PPDPFL: variants seen among roughly 807,000 people sequenced by gnomAD.
PPDPFL encodes the protein pancreatic progenitor cell differentiation and proliferation factor like.
A neutral mutation model predicts 12.6 loss-of-function variants in PPDPFL; 12 were observed. That is an observed-to-expected ratio of 0.95 (90% confidence interval 0.61 to 1.54). The LOEUF is 1.54. Among genes scored for constraint, PPDPFL ranks in the 40% most tolerant of loss-of-function variants. The probability of loss-of-function intolerance (pLI) is 0.00; values close to 1 mark genes in which losing one functional copy is unlikely to be tolerated. For missense variants in PPDPFL, 114 were observed against 96.0 expected (o/e 1.19, Z -0.78); for synonymous variants, 24 against 32.7 (o/e 0.73, Z 0.91).
chr8:49,071,705 C>T (rs1808393484), upstream of PPDPFL, among the ~76,000 whole-genome samples: 1 of 152,096 alleles, frequency 6.6e-6, no homozygotes, highest in Non-Finnish European at 1.5e-5. Flanking sequence ...AAATTTGTTA[C>T]TAAAATCAGA....
rs776754439 is a variant in PPDPFL at position 49,075,128 on chromosome 8, C to A, written c.234-24C>A. The A allele has an allele frequency of 1.9e-6, 3 of 1,611,992 alleles. No individual in the cohort carries two copies. The South Asian group carries it at 3.3e-5, about 18-fold the overall frequency. ...GTTTCATTTATTTATCCCCTCCTCTCTGACTACTATAAAATCAACCCAGAT... is the reference window on the plus strand; with the variant it reads ...GTTTCATTTATTTATCCCCTCCTCTATGACTACTATAAAATCAACCCAGAT... On this transcript the variant is annotated intron_variant, in intron 4 of 4. Transcript: ENST00000522267.
intron 1 of PPDPFL, among the ~76,000 whole-genome samples, chr8:49,060,908 G>T (rs1015963083): frequency 1.3e-5 from 2 of 152,056 alleles, no homozygotes; most frequent in Non-Finnish European, 2.9e-5. Context: ...TGATGTAATT[G>T]ATGAAGAAAG....
upstream of PPDPFL, among the ~76,000 whole-genome samples, chr8:49,071,560 G>A (rs1808390025): frequency 6.6e-6 from 1 of 152,130 alleles, no homozygotes; most frequent in Admixed American, 6.5e-5. Context: ...GGAGGCTGAG[G>A]CAGGAGAATG....
chr8:49,055,584 T>C (rs919339204), intron 1 of PPDPFL, among the ~76,000 whole-genome samples: 5 of 152,212 alleles, frequency 3.3e-5, no homozygotes, highest in African/African-American at 1.2e-4. Context: ...AGGACTTATA[T>C]CTATGAATAA....
At chr8:49,055,358 C>T (rs550333455) in intron 1 of PPDPFL, among the ~76,000 whole-genome samples, 11 of 152,152 alleles carry the variant, frequency 7.2e-5, no homozygotes, top group African/African-American at 2.6e-4. Context: ...CATTTTGCAC[C>T]TTGGACACCA....
chr8:49,070,038 G>C (rs1055700540), upstream of PPDPFL, among the ~76,000 whole-genome samples: 1 of 152,188 alleles, frequency 6.6e-6, no homozygotes, highest in Non-Finnish European at 1.5e-5. Flanking sequence ...GTGATACATA[G>C]ACACCATGGA....
chr8:49,065,817 G>A (rs1797818413), intron 1 of PPDPFL, among the ~76,000 whole-genome samples: 1 of 152,210 alleles, frequency 6.6e-6, no homozygotes, highest in African/African-American at 2.4e-5. Flanking sequence ...CCCGGCATCT[G>A]AAGACCTATT....
chr8:49,070,950 A>G (rs1017079239), upstream of PPDPFL, among the ~76,000 whole-genome samples: 22 of 152,160 alleles, frequency 1.4e-4, no homozygotes, highest in African/African-American at 3.9e-4. Flanking sequence ...AGTATTAGCT[A>G]CAATCCTGCT....
chr8:49,064,316 A>G (rs1207943565), intron 1 of PPDPFL, among the ~76,000 whole-genome samples: 1 of 152,186 alleles, frequency 6.6e-6, no homozygotes, highest in Non-Finnish European at 1.5e-5. Context: ...CATTTGTCTC[A>G]GAAGAGGTGC....
chr8:49,072,823 G>A lies in PPDPFL; in HGVS notation c.-8G>A. ...CAGCTTCTTGGGTGCTTTCTCACGG[G>A]TAAAGCCATGGCATCCGTACCTTCC... On this transcript the variant is annotated 5_prime_UTR_variant, in exon 2 of 5. Coordinates refer to ENST00000522267, the MANE Select transcript of PPDPFL (RefSeq NM_001256597.2). 2 of 1,598,738 alleles carry A rather than the reference G, an allele frequency of 1.3e-6. No homozygotes were observed. Among genetic ancestry groups the A allele is most frequent in the Non-Finnish European group, 8.5e-7 (1 of 1,174,530 alleles).
In PPDPFL at chr8:49,076,078, T is replaced by A. The variant is rs556266615; in HGVS notation, c.*905T>A. ...GTGCGTAATTAGAAAATAATAAATG[T>A]TAATATAAAAAAGCACTGAAATTTT... On this transcript the variant is annotated 3_prime_UTR_variant, in exon 5 of 5. Coordinates refer to ENST00000522267, the MANE Select transcript of PPDPFL (RefSeq NM_001256597.2). The A allele has an allele frequency of 6.6e-6, 1 of 152,200 alleles. No individual in the cohort carries two copies. The highest frequency in any genetic ancestry group is 1.5e-5 in the Non-Finnish European group (1 of 68,040). The allele number at this position is 152,200 out of a possible 1,614,324, so 9.4% of individuals were successfully genotyped here.
chr8:49,064,149 A>G (rs139176885), intron 1 of PPDPFL, among the ~76,000 whole-genome samples: 155 of 152,266 alleles, frequency 1.0e-3, no homozygotes, highest in African/African-American at 3.5e-3. Flanking sequence ...AACATTCCAG[A>G]GGCTCATTCC....
At chr8:49,072,630 G>A (rs1311539058) in intron 1 of PPDPFL, 148 bp downstream of exon 1, 3 of 461,186 alleles carry the variant, frequency 6.5e-6, no homozygotes, top group East Asian at 7.8e-5. Flanking sequence ...TTTTATTGCA[G>A]TATATTTGGT....
upstream of PPDPFL, among the ~76,000 whole-genome samples, chr8:49,069,740 T>C (rs1585674573): frequency 6.6e-6 from 1 of 152,110 alleles, no homozygotes; most frequent in Non-Finnish European, 1.5e-5. Flanking sequence ...CTGGAGACCA[T>C]CCTGGCTAAC....
At chr8:49,064,179 G>C (rs1585672322) in intron 1 of PPDPFL, among the ~76,000 whole-genome samples, 1 of 152,156 alleles carries the variant, frequency 6.6e-6, no homozygotes, top group East Asian at 1.9e-4. Context: ...CCAAGGGCGA[G>C]CCATATGAAC....
intron 1 of PPDPFL, among the ~76,000 whole-genome samples, chr8:49,062,119 G>C (rs189938482): frequency 6.8e-4 from 103 of 152,306 alleles, no homozygotes; most frequent in Non-Finnish European, 1.2e-3. Flanking sequence ...GTAGGAAAGG[G>C]CCTCTACCCT....
intron 1 of PPDPFL, among the ~76,000 whole-genome samples, chr8:49,059,499 A>G (rs1250331319): frequency 6.6e-6 from 1 of 152,244 alleles, no homozygotes; most frequent in Non-Finnish European, 1.5e-5. Context: ...ATGCAAAGGT[A>G]GAAGACTGAC....
At chr8:49,074,509 G>A in intron 4 of PPDPFL, 176 bp downstream of exon 4, 2 of 1,537,884 alleles carry the variant, frequency 1.3e-6, no homozygotes, top group Non-Finnish European at 1.7e-6. Flanking sequence ...CCTCCTTGCA[G>A]GTCGCTGTCA....
chr8:49,065,704 A>G (rs2129244655), intron 1 of PPDPFL, among the ~76,000 whole-genome samples: 1 of 152,348 alleles, frequency 6.6e-6, no homozygotes, highest in South Asian at 2.1e-4. Flanking sequence ...TGCCACATTC[A>G]AGTGGAAGGA....
Sources: allele counts gnomAD v4.1 joint callset (sites outside exome capture counted in the v4.1 genomes callset), GRCh38; gene constraint gnomAD v4.1.1; transcripts MANE v1.5; gene names NCBI Gene and HGNC (gene_info 2026-07-23, HGNC 2026-07-21).